HDAC4: variants seen among roughly 807,000 people sequenced by gnomAD.
The protein encoded by HDAC4 is histone deacetylase 4, also known as histone deacetylase A.
Under a neutral mutation model 135.1 loss-of-function variants are expected in HDAC4, and 16 were observed. The ratio of observed to expected loss-of-function variants is 0.12; its 90% confidence interval spans 0.08 to 0.18. The LOEUF is 0.18. Ranked by LOEUF, HDAC4 falls within the 10% of genes least tolerant of loss-of-function variation. The pLI, the probability that HDAC4 is intolerant of heterozygous loss-of-function variation, is 1.00. For missense variants in HDAC4, 1,143 were observed against 1,511.8 expected (o/e 0.76, Z 4.05); for synonymous variants, 685 against 653.4 (o/e 1.05, Z -0.74).
In HDAC4 at chr2:239,400,412, G is replaced by C. The variant is rs1696888133; in HGVS notation, c.-220+566C>G. The C allele has an allele frequency of 6.8e-6, 1 of 146,618 alleles. No individual in the cohort carries two copies. The highest frequency in any genetic ancestry group is 2.1e-4 in the South Asian group (1 of 4,822). The allele number at this position is 146,618 out of a possible 1,614,324, so 9.1% of individuals were successfully genotyped here. On this transcript the variant is annotated intron_variant, in intron 1 of 26. Transcript: ENST00000543185. This position sits in a 1 kb window ranked among gnomAD's most constrained non-coding sequence, Gnocchi z 4.7. ...GGCGCGGGCCCCGCACCGGGAGACG[G>C]CGCCGCTGCCTGCCGTGCCCACCCC...
At chr2:239,151,359 G>C (rs913064163) in intron 7 of HDAC4, among the ~76,000 whole-genome samples, 1 of 152,192 alleles carries the variant, frequency 6.6e-6, no homozygotes, top group Non-Finnish European at 1.5e-5. Flanking sequence ...TGTCGTGGGC[G>C]CCAGCCTGGC....
At chr2:239,096,272 C>T (rs2037020876) in intron 16 of HDAC4, among the ~76,000 whole-genome samples, 1 of 152,022 alleles carries the variant, frequency 6.6e-6, no homozygotes, top group South Asian at 2.1e-4. Context: ...AGGAGAGTGG[C>T]TGGCACAGAC....
In HDAC4 at chr2:239,308,320, C is replaced by T. The variant is rs562947683; in HGVS notation, c.22+44358G>A. ...TCATCAAGCTGGCCCCCTGGTGACA[C>T]GGGACAAGAGGATAACCTGCTTGGT... On this transcript the variant is annotated intron_variant, in intron 2 of 26. Coordinates refer to ENST00000543185, the MANE Select transcript of HDAC4 (RefSeq NM_001378414.1). This position sits in a 1 kb window ranked among gnomAD's most constrained non-coding sequence, Gnocchi z 4.2. Among the ~76,000 whole-genome samples the T allele has an allele frequency of 1.1e-4, 17 of 152,120 alleles. No homozygotes were observed. Among genetic ancestry groups the T allele is most frequent in the Non-Finnish European group, 1.6e-4 (11 of 68,022 alleles).
chr2:239,389,799 C>A (rs190369023), intron 1 of HDAC4, among the ~76,000 whole-genome samples: 1 of 152,320 alleles, frequency 6.6e-6, no homozygotes, highest in Admixed American at 6.5e-5. Context: ...GAATTCCATA[C>A]CAGGGAGGCC....
intron 2 of HDAC4, among the ~76,000 whole-genome samples, chr2:239,326,126 C>T (rs1575697697): frequency 6.6e-6 from 1 of 152,140 alleles, no homozygotes; most frequent in East Asian, 1.9e-4. Flanking sequence ...GCCCAAAGGT[C>T]CACCAAGAGA....
intron 12 of HDAC4, among the ~76,000 whole-genome samples, chr2:239,119,671 G>A (rs546170812): frequency 5.3e-5 from 8 of 152,218 alleles, no homozygotes; most frequent in South Asian, 2.1e-4. Context: ...CTGAGGACAC[G>A]GAGATGGGAG....
At chr2:239,348,603 C>A (rs1692892100) in intron 2 of HDAC4, among the ~76,000 whole-genome samples, 1 of 152,252 alleles carries the variant, frequency 6.6e-6, no homozygotes, top group Non-Finnish European at 1.5e-5. Context: ...GGCTTTCCGT[C>A]CACACTCCCG....
chr2:239,226,050 G>C (rs4622755), intron 3 of HDAC4, among the ~76,000 whole-genome samples: 1 of 152,048 alleles, frequency 6.6e-6, no homozygotes, highest in Middle Eastern at 3.2e-3. Flanking sequence ...GGTCGGCAAA[G>C]AGCCATCTCC....
At chr2:239,057,300 A>C (rs1433160854) in intron 24 of HDAC4, among the ~76,000 whole-genome samples, 2 of 152,232 alleles carry the variant, frequency 1.3e-5, no homozygotes, top group African/African-American at 4.8e-5. Context: ...CAGTTACTGA[A>C]ATGATCAGTT....
intron 18 of HDAC4, chr2:239,089,739 T>C: frequency 2.4e-6 from 1 of 413,792 alleles, no homozygotes; most frequent in Non-Finnish European, 4.4e-6. Flanking sequence ...TTTTTTTTTT[T>C]TTTTAAGAGT....
intron 16 of HDAC4, 107 bp downstream of exon 16, chr2:239,102,669 G>T: frequency 7.7e-7 from 1 of 1,293,382 alleles, no homozygotes; most frequent in Non-Finnish European, 1.1e-6. Context: ...CTTATAACCT[G>T]GCAGGCGACA....
chr2:239,139,707 C>A lies in HDAC4; in HGVS notation c.955G>T (p.Ala319Ser), dbSNP rs76224543. 13 of 1,613,900 alleles carry A rather than the reference C, an allele frequency of 8.1e-6. No homozygotes were observed. The highest frequency in any genetic ancestry group is 1.0e-5 in the Non-Finnish European group (12 of 1,179,934). The change falls in exon 9 of 27, where the codon GCC becomes TCC. Residue 319 changes from alanine (A) to serine (S), a missense_variant. Ala to Ser is a moderately conservative substitution (Grantham distance 99, BLOSUM62 1). This residue lies in a region of HDAC4 where 272 missense variants were observed against 309.7 expected (regional missense o/e 0.88). Transcript: ENST00000543185. This position sits in a 1 kb window ranked among gnomAD's most constrained non-coding sequence, Gnocchi z 5.3. ...ACCTCCGCCGGGATGCTGGGGACGG[C>A]GGGCGCGATACCGTTCTCCGCGCTG... is the stretch of plus-strand genomic sequence containing the variant. The part of the protein sequence containing the change: ...SVSAENGIAP[A>S]VPSIPAETSL...
At chr2:239,121,941 C>T (rs926183540) in intron 12 of HDAC4, among the ~76,000 whole-genome samples, 2 of 152,162 alleles carry the variant, frequency 1.3e-5, no homozygotes, top group Admixed American at 6.5e-5. Flanking sequence ...GAGCCGGACG[C>T]GGGCAAACAA....
chr2:239,324,609 G>A (rs763171285), intron 2 of HDAC4, among the ~76,000 whole-genome samples: 7 of 152,182 alleles, frequency 4.6e-5, no homozygotes, highest in Non-Finnish European at 7.3e-5. Flanking sequence ...GGACTCTGAC[G>A]CAAGTGGTGA....
intron 3 of HDAC4, among the ~76,000 whole-genome samples, chr2:239,217,019 G>A (rs1041280481): frequency 6.6e-5 from 10 of 151,302 alleles, no homozygotes; most frequent in Non-Finnish European, 1.2e-4. Context: ...CCCAAACCCC[G>A]AGCCCCCTTA....
At chr2:239,388,385 T>G (rs1363270007) in intron 1 of HDAC4, among the ~76,000 whole-genome samples, 1 of 152,238 alleles carries the variant, frequency 6.6e-6, no homozygotes, top group Admixed American at 6.5e-5. Flanking sequence ...GGGAGGCAGA[T>G]GCGGTCAGTG....
In HDAC4 at chr2:239,146,472, G is replaced by A. The variant is rs923582337; in HGVS notation, c.734-1758C>T. Among the ~76,000 whole-genome samples the A allele has an allele frequency of 2.0e-5, 3 of 152,128 alleles. No individual in the cohort carries two copies. On this transcript the variant is annotated intron_variant, in intron 7 of 26. Coordinates refer to ENST00000543185, the MANE Select transcript of HDAC4 (RefSeq NM_001378414.1). The surrounding 1 kb of genome is among the most constrained non-coding windows in gnomAD (Gnocchi z 4.5). ...TGCCCTGCCACATAGAGTGGGACAC[G>A]TGGCATCGGGAGGCGGGCATGACAT...
At chr2:239,103,043 A>C in intron 15 of HDAC4, 147 bp from the exon 16 acceptor site, 1 of 862,438 alleles carries the variant, frequency 1.2e-6, no homozygotes, top group Non-Finnish European at 1.8e-6. Flanking sequence ...CTGCAAAAGA[A>C]GAAGCAACAT....
At chr2:239,102,662 A>T (rs556804287) in intron 16 of HDAC4, 114 bp downstream of exon 16, 3 of 1,231,438 alleles carry the variant, frequency 2.4e-6, no homozygotes, top group East Asian at 2.4e-5. Flanking sequence ...CCTTTACCTT[A>T]TAACCTGGCA....
Sources: gnomAD v4.1 joint callset for allele counts (sites outside exome capture counted in the v4.1 genomes callset) on GRCh38, gnomAD v4.1.1 for gene constraint, gnomAD v4.1.1 regional missense constraint, Gnocchi (gnomAD v3.1) non-coding constraint, MANE v1.5 for transcripts, NCBI Gene and HGNC (gene_info 2026-07-23, HGNC 2026-07-21) for gene names.